The following SELENOF variants were observed in gnomAD, a reference collection of about 807,000 sequenced individuals.
SELENOF encodes the protein selenoprotein F.
SELENOF carries 16 observed loss-of-function variants against 20.5 expected under a neutral mutation model. That is an observed-to-expected ratio of 0.78 (90% CI 0.53 to 1.19). The LOEUF is 1.19. SELENOF is among the 50% of genes most tolerant of loss of function. SELENOF has a pLI of 0.00. For missense variants in SELENOF, 215 were observed against 194.2 expected, an observed-to-expected ratio of 1.11 and a Z score of -0.64; for synonymous variants, 78 against 74.5, an observed-to-expected ratio of 1.05 and a Z score of -0.24.
At chr1:86,899,752 G>T (rs947629088) in intron 2 of SELENOF, among the ~76,000 whole-genome samples, 7 of 151,566 alleles carry the variant, frequency 4.6e-5, no homozygotes, top group African/African-American at 1.7e-4. Context: ...CTTCCCAGAC[G>T]GGGTGGCTGC....
At chr1:86,903,154 A>G in intron 2 of SELENOF, 127 bp downstream of exon 2, 5 of 758,972 alleles carry the variant, frequency 6.6e-6, no homozygotes, top group South Asian at 6.1e-5. Context: ...ACAAGAAATC[A>G]GTTGAGTTTT....
chr1:86,914,031 T>C lies in SELENOF; in HGVS notation c.81A>G (p.Gln27=), dbSNP rs887626735. ...TGCGAAGGTGATCTACACTCACCGC[T>C]TGAAGCACAGTCGCCAACAACAACC... ...GLRLLLATVL[Q]AVSAFGAEFS... The change falls in exon 1 of 5, where the codon CAA becomes CAG. Residue 27 remains glutamine (Q), a synonymous_variant. Coordinates refer to ENST00000331835, the MANE Select transcript of SELENOF (RefSeq NM_004261.5). The C allele has an allele frequency of 6.2e-7, 1 of 1,613,888 alleles. No individual in the cohort carries two copies. Among genetic ancestry groups the C allele is most frequent in the Non-Finnish European group, 8.5e-7 (1 of 1,179,814 alleles).
At chr1:86,870,078 A>T (rs915425753) in intron 3 of SELENOF, among the ~76,000 whole-genome samples, 1 of 152,212 alleles carries the variant, frequency 6.6e-6, no homozygotes, top group Non-Finnish European at 1.5e-5. Context: ...ACATTTTTCT[A>T]AAATAAAAAC....
At chr1:86,892,258 C>T (rs1485229459) in intron 2 of SELENOF, among the ~76,000 whole-genome samples, 4 of 152,226 alleles carry the variant, frequency 2.6e-5, no homozygotes, top group East Asian at 3.9e-4. Flanking sequence ...TTTAGTATTA[C>T]TGCTACTCAG....
chr1:86,885,948 A>G (rs909887356), intron 2 of SELENOF, among the ~76,000 whole-genome samples: 2 of 152,226 alleles, frequency 1.3e-5, no homozygotes, highest in Admixed American at 6.5e-5. Flanking sequence ...TATAAGATTA[A>G]TACTTCCACA....
chr1:86,906,984 A>T (rs550969539), intron 1 of SELENOF, among the ~76,000 whole-genome samples: 10 of 152,358 alleles, frequency 6.6e-5, no homozygotes, highest in African/African-American at 2.4e-4. Flanking sequence ...CAACAAAATA[A>T]GAACCTCAAA....
At chr1:86,882,838 G>A (rs935944069) in intron 2 of SELENOF, among the ~76,000 whole-genome samples, 1 of 152,148 alleles carries the variant, frequency 6.6e-6, no homozygotes, top group Non-Finnish European at 1.5e-5. Flanking sequence ...AAAGGAAGCA[G>A]ATTCTGACTG....
At chr1:86,913,104 G>A (rs1229980973) in intron 1 of SELENOF, among the ~76,000 whole-genome samples, 1 of 152,168 alleles carries the variant, frequency 6.6e-6, no homozygotes, top group Non-Finnish European at 1.5e-5. Flanking sequence ...CAAACAGCCA[G>A]GATGCTTTCA....
chr1:86,873,120 G>C (rs575144716), intron 3 of SELENOF, among the ~76,000 whole-genome samples: 1 of 151,526 alleles, frequency 6.6e-6, no homozygotes. Flanking sequence ...ATCCAGGCAC[G>C]GTGGTGCATG....
intron 2 of SELENOF, among the ~76,000 whole-genome samples, chr1:86,884,398 C>T (rs1241011405): frequency 6.6e-6 from 1 of 151,752 alleles, no homozygotes; most frequent in Admixed American, 6.6e-5. Flanking sequence ...CATATATATA[C>T]ACGCACACAC....
chr1:86,867,402 G>C (rs951784103), intron 4 of SELENOF, among the ~76,000 whole-genome samples: 2 of 152,028 alleles, frequency 1.3e-5, no homozygotes, highest in African/African-American at 4.8e-5. Flanking sequence ...TGAGACATGA[G>C]AATTGCTTGA....
chr1:86,906,664 C>T (rs1291573849), intron 1 of SELENOF, among the ~76,000 whole-genome samples: 2 of 152,192 alleles, frequency 1.3e-5, no homozygotes, highest in African/African-American at 2.4e-5. Flanking sequence ...TAGAGAGCAA[C>T]TGAAAACTCC....
At chr1:86,877,489 A>G (rs1026688390) in intron 3 of SELENOF, among the ~76,000 whole-genome samples, 4 of 152,260 alleles carry the variant, frequency 2.6e-5, no homozygotes, top group African/African-American at 9.6e-5. Flanking sequence ...TTGCATACAT[A>G]GAATGACATA....
chr1:86,900,784 C>G (rs939164046), intron 2 of SELENOF, among the ~76,000 whole-genome samples: 2 of 152,044 alleles, frequency 1.3e-5, no homozygotes, highest in African/African-American at 4.8e-5. Flanking sequence ...GTGATCTGCC[C>G]GCCTCGGCCT....
At chr1:86,881,976 G>A (rs1226373538) in intron 2 of SELENOF, among the ~76,000 whole-genome samples, 3 of 152,140 alleles carry the variant, frequency 2.0e-5, no homozygotes, top group African/African-American at 7.2e-5. Context: ...GCTCATGCCT[G>A]TAATTGCCGC....
intron 1 of SELENOF, among the ~76,000 whole-genome samples, chr1:86,907,810 C>A (rs529041613): frequency 6.6e-6 from 1 of 151,846 alleles, no homozygotes. Flanking sequence ...ATGGTGAAAC[C>A]CCGTCTCTAC....
At chr1:86,887,148 A>T in intron 2 of SELENOF, 3 of 1,535,660 alleles carry the variant, frequency 2.0e-6, no homozygotes, top group Non-Finnish European at 1.8e-6. Flanking sequence ...TGACACTTTC[A>T]TACTCACTTT....
chr1:86,904,141 G>A (rs1465692672), intron 1 of SELENOF, among the ~76,000 whole-genome samples: 1 of 151,952 alleles, frequency 6.6e-6, no homozygotes, highest in African/African-American at 2.4e-5. Flanking sequence ...TGGGTCTATG[G>A]AGTAAGATTA....
chr1:86,886,045 T>C (rs1338491312), intron 2 of SELENOF, among the ~76,000 whole-genome samples: 1 of 152,210 alleles, frequency 6.6e-6, no homozygotes, highest in Non-Finnish European at 1.5e-5. Context: ...TCAGGGATAT[T>C]ACTCATTGTT....
Sources: gnomAD v4.1 joint callset for allele counts (sites outside exome capture counted in the v4.1 genomes callset) on GRCh38, gnomAD v4.1.1 for gene constraint, MANE v1.5 for transcripts, NCBI Gene and HGNC (gene_info 2026-07-23, HGNC 2026-07-21) for gene names.